The following SLC5A4 variants were observed in gnomAD, a reference collection of about 807,000 sequenced individuals.
SLC5A4 encodes the protein probable glucose sensor protein SLC5A4.
A neutral mutation model predicts 70.3 loss-of-function variants in SLC5A4; 55 were observed. That is an observed-to-expected ratio of 0.78 (90% CI 0.63 to 0.98). SLC5A4 has a LOEUF of 0.98. Ranked by LOEUF, SLC5A4 falls within the 50% of genes least tolerant of loss-of-function variation. SLC5A4 has a pLI of 0.00. For synonymous variants in SLC5A4, 268 were observed against 305.7 expected, an observed-to-expected ratio of 0.88 and a Z score of 1.29; for missense variants, 735 against 839.2, an observed-to-expected ratio of 0.88 and a Z score of 1.53.
At chr22:32,308,862 G>C in the SLC5A4 span, among the ~76,000 whole-genome samples, 1 of 152,236 alleles carries the variant, frequency 6.6e-6, no homozygotes, top group Admixed American at 6.5e-5. Context: ...ATGCATGTGT[G>C]CATGTATGTA....
chr22:32,353,227 C>T, the SLC5A4 span, among the ~76,000 whole-genome samples: 1 of 152,114 alleles, frequency 6.6e-6, no homozygotes, highest in South Asian at 2.1e-4. Flanking sequence ...ACCGCTGGGC[C>T]CACCCTGGCT....
chr22:32,310,086 G>C, the SLC5A4 span, among the ~76,000 whole-genome samples: 1 of 150,384 alleles, frequency 6.6e-6, no homozygotes, highest in East Asian at 2.0e-4. Context: ...GGGGATGGGG[G>C]GGGTGGCAGA....
chr22:32,337,621 G>A, the SLC5A4 span, among the ~76,000 whole-genome samples: 1 of 152,222 alleles, frequency 6.6e-6, no homozygotes, highest in African/African-American at 2.4e-5. Context: ...ATTATGTGAG[G>A]AGATAAATAC....
rs777234867 is a variant in SLC5A4, at chr22:32,234,942, C to A, written c.816G>T (p.Gly272=). The A allele has an allele frequency of 6.2e-7, 1 of 1,613,076 alleles. No homozygotes were observed. The highest frequency in any genetic ancestry group is 1.7e-5 in the Admixed American group (1 of 59,972). The change falls in exon 8 of 15, where the codon GGG becomes GGT. Residue 272 remains glycine, a synonymous_variant. Coordinates refer to ENST00000266086, the MANE Select transcript of SLC5A4 (RefSeq NM_014227.3). The part of the protein sequence containing the change: ...SFHIFRDAVT[G]DIPWPGIIFG... The stretch of plus-strand genomic sequence containing the variant: ...ATATAATTCCTGGCCATGGAATGTC[C>A]CCAGTCACAGCATCTCGGAAGATGT...
At chr22:32,229,555 C>T (rs1374091328) in intron 10 of SLC5A4, among the ~76,000 whole-genome samples, 1 of 152,154 alleles carries the variant, frequency 6.6e-6, no homozygotes, top group Non-Finnish European at 1.5e-5. Flanking sequence ...GACAAAACAT[C>T]ACATGTTCTC....
At chr22:32,328,088 CAACACACA>C in the SLC5A4 span, among the ~76,000 whole-genome samples, 27,587 of 143,464 alleles carry the variant, frequency 0.19, 2,925 homozygotes, top group Non-Finnish European at 0.26. Context: ...CCAGAGCCCC[CAACACACA>C]AACACACACA....
intron 3 of SLC5A4, among the ~76,000 whole-genome samples, chr22:32,250,972 G>A (rs575922259): frequency 1.1e-4 from 17 of 151,908 alleles, no homozygotes; most frequent in African/African-American, 4.1e-4. Flanking sequence ...GAGGGGCAAG[G>A]AGAGGGAGAG....
At chr22:32,316,066 G>C in the SLC5A4 span, among the ~76,000 whole-genome samples, 2 of 150,330 alleles carry the variant, frequency 1.3e-5, no homozygotes, top group African/African-American at 2.5e-5. Context: ...CTACTCGGGA[G>C]GCTGAAGCAG....
chr22:32,334,593 G>A, the SLC5A4 span, among the ~76,000 whole-genome samples: 7 of 152,148 alleles, frequency 4.6e-5, no homozygotes, highest in African/African-American at 1.4e-4. Flanking sequence ...CCAAGTCCCC[G>A]TGCTTCGCTG....
intron 8 of SLC5A4, 101 bp from the exon 9 acceptor site, chr22:32,233,135 G>C: frequency 1.5e-6 from 2 of 1,301,822 alleles, no homozygotes; most frequent in Non-Finnish European, 2.1e-6. Flanking sequence ...AAGAAATAAT[G>C]TGGACCAGTA....
In SLC5A4 at chr22:32,235,065, G is replaced by A; in HGVS notation, c.693C>T (p.Ser231=). 1 of 1,613,704 alleles carries A rather than the reference G, an allele frequency of 6.2e-7. No homozygotes were observed. The highest frequency in any genetic ancestry group is 2.2e-5 in the East Asian group (1 of 44,872). ...TGGCATTCACGTACTTCTCGGTAAAGCTCTCATAACCTCCAACTTCGTTAA... is the reference window on the plus strand; with the variant it reads ...TGGCATTCACGTACTTCTCGGTAAAACTCTCATAACCTCCAACTTCGTTAA... ...FAFNEVGGYE[S]FTEKYVNATP... is the part of the protein sequence containing the mutation. Residue 231 remains serine, a synonymous_variant, in exon 8 of 15, where the codon AGC becomes AGT. Coordinates refer to ENST00000266086, the MANE Select transcript of SLC5A4 (RefSeq NM_014227.3).
chr22:32,331,563 A>G, the SLC5A4 span, among the ~76,000 whole-genome samples: 106 of 152,270 alleles, frequency 7.0e-4, 1 homozygote, highest in Middle Eastern at 3.4e-3. Context: ...CTGGCGGGCA[A>G]CCCAGCTATA....
rs531058797 is a variant in SLC5A4 at position 32,242,708 on chromosome 22, CA to C, written c.478-3619del. Among the ~76,000 whole-genome samples the C allele has an allele frequency of 2.5e-4, 36 of 144,488 alleles. 1 individual carries two copies. The highest frequency in any genetic ancestry group is 6.6e-4 in the African/African-American group (26 of 39,244). 94.8% of individuals were successfully genotyped at this position (144,488 alleles called of 152,430 possible). On this transcript the variant is annotated intron_variant, in intron 5 of 14. Transcript: ENST00000266086. Reference sequence around the variant, plus strand: ...TGGGCGACAGAGTGAGACTCCGTCTCAAAAAAAAAAGTATCAAAATAACTGC... The same window carrying C: ...TGGGCGACAGAGTGAGACTCCGTCTCAAAAAAAAAGTATCAAAATAACTGC...
At chr22:32,330,871 G>T in the SLC5A4 span, among the ~76,000 whole-genome samples, 21 of 96,328 alleles carry the variant, frequency 2.2e-4, 5 homozygotes, top group African/African-American at 6.7e-4. Flanking sequence ...GTGTTGGAGG[G>T]TCTGCTGTGT....
chr22:32,240,040 A>AG (rs924099678), intron 5 of SLC5A4, among the ~76,000 whole-genome samples: 1 of 151,374 alleles, frequency 6.6e-6, no homozygotes, highest in African/African-American at 2.4e-5. Flanking sequence ...AAAAAAAAAA[A>AG]AAAGAAAGTA....
At chr22:32,308,796 CCATGCATGTGTGTG>C in the SLC5A4 span, among the ~76,000 whole-genome samples, 1 of 152,090 alleles carries the variant, frequency 6.6e-6, no homozygotes, top group Non-Finnish European at 1.5e-5. Flanking sequence ...GCTTGTGTGT[CCATGCATGTGTGTG>C]CATGCACAGC....
Position 32,248,772 on chromosome 22 carries a change from T to G in SLC5A4, c.343A>C (p.Ile115Leu). Residue 115 changes from isoleucine to leucine, a missense_variant, in exon 4 of 15, where the codon ATC becomes CTC. Transcript: ENST00000266086. ...GACTTGATGTAGATAGGGACAAAGA[T>G]CCACCCAAGAATCAGCAACATTACT... Reference protein sequence around the residue: ...SSVMLLILGWIFVPIYIKSGV... With the variant: ...SSVMLLILGWLFVPIYIKSGV... 1.2e-6 allele frequency: 2 copies of G among 1,613,328 alleles called. No homozygotes were observed. Among genetic ancestry groups the G allele is most frequent in the Non-Finnish European group, 1.7e-6 (2 of 1,179,348 alleles).
the SLC5A4 span, among the ~76,000 whole-genome samples, chr22:32,287,493 C>T: frequency 2.6e-5 from 4 of 151,972 alleles, no homozygotes; most frequent in African/African-American, 7.3e-5. Context: ...CCTAACCCTA[C>T]TTCATCATTG....
chr22:32,329,613 GCTCT>G, the SLC5A4 span, among the ~76,000 whole-genome samples: 2 of 129,126 alleles, frequency 1.5e-5, no homozygotes, highest in African/African-American at 3.0e-5. Flanking sequence ...GTGTGTGTTG[GCTCT>G]GGTGTGTGTG....
Sources: gnomAD v4.1 joint callset for allele counts (sites outside exome capture counted in the v4.1 genomes callset) on GRCh38, gnomAD v4.1.1 for gene constraint, MANE v1.5 for transcripts, NCBI Gene and HGNC (gene_info 2026-07-23, HGNC 2026-07-21) for gene names.